SCIN: variants seen among roughly 807,000 people sequenced by gnomAD.
The protein encoded by SCIN is adseverin.
A neutral mutation model predicts 91.8 loss-of-function variants in SCIN; 91 were observed. The observed-to-expected ratio is 0.99, with a 90% confidence interval of 0.84 to 1.18. SCIN has a LOEUF of 1.18. Among genes scored for constraint, SCIN ranks in the 50% most tolerant of loss-of-function variants. The pLI is 0.00. For synonymous variants in SCIN, 367 were observed against 312.6 expected, an observed-to-expected ratio of 1.17 and a Z score of -1.84; for missense variants, 1,087 against 863.9, an observed-to-expected ratio of 1.26 and a Z score of -3.24.
At chr7:12,590,344 G>A (rs1782691673) in intron 3 of SCIN, among the ~76,000 whole-genome samples, 1 of 152,166 alleles carries the variant, frequency 6.6e-6, no homozygotes, top group African/African-American at 2.4e-5. Context: ...TAGGGATGGA[G>A]GGAGAGTGGA....
intron 1 of SCIN, among the ~76,000 whole-genome samples, chr7:12,572,632 C>G (rs1782292611): frequency 6.6e-6 from 1 of 152,272 alleles, no homozygotes; most frequent in South Asian, 2.1e-4. Flanking sequence ...CCAAGTTGTC[C>G]TCTTAACTAC....
chr7:12,578,909 G>GTTTTTTTTTTTTTTTTGTTGTTTTTTTTT, intron 2 of SCIN, among the ~76,000 whole-genome samples: 2 of 85,898 alleles, frequency 2.3e-5, no homozygotes, highest in Non-Finnish European at 4.6e-5. Context: ...TATAGGACAG[G>GTTTTTTTTTTTTTTTTGTTGTTTTTTTTT]TTTTTTTTTT....
intron 4 of SCIN, among the ~76,000 whole-genome samples, chr7:12,604,874 T>C (rs76040037): frequency 0.022 from 3,388 of 152,174 alleles, 44 homozygotes; most frequent in South Asian, 0.054. Flanking sequence ...CATGACTTTC[T>C]CTTACCGTTG....
chr7:12,611,929 T>TAA (rs11287451), intron 4 of SCIN, among the ~76,000 whole-genome samples: 1 of 145,226 alleles, frequency 6.9e-6, no homozygotes, highest in Non-Finnish European at 1.5e-5. Flanking sequence ...TCTCTTAAAA[T>TAA]AAAAAAAAAA....
At chr7:12,591,329 C>G (rs975672386) in intron 3 of SCIN, among the ~76,000 whole-genome samples, 4 of 152,124 alleles carry the variant, frequency 2.6e-5, no homozygotes, top group Non-Finnish European at 4.4e-5. Context: ...ATTATGAGAA[C>G]TGTGGACGGT....
chr7:12,597,270 T>C (rs895222355), intron 3 of SCIN, among the ~76,000 whole-genome samples: 21 of 152,348 alleles, frequency 1.4e-4, no homozygotes, highest in East Asian at 7.7e-4. Context: ...AAGATACATC[T>C]TAATGAATTT....
At position 12,653,347 on chromosome 7, in the gene SCIN, A is replaced by G. The variant is rs1026034631; in HGVS notation, c.*632A>G. 16 of 152,214 alleles carry G rather than the reference A, an allele frequency of 1.1e-4. No homozygotes were observed. The highest frequency in any genetic ancestry group is 7.2e-4 in the Admixed American group (11 of 15,286). The allele number at this position is 152,214 out of a possible 1,614,324, so 9.4% of individuals were successfully genotyped here. A position where few individuals can be genotyped will look rare whatever the true frequency, so the allele number is the denominator to read the frequency against. On this transcript the variant is annotated 3_prime_UTR_variant, in exon 16 of 16. Coordinates refer to ENST00000297029, the MANE Select transcript of SCIN (RefSeq NM_001112706.3). This position sits in a 1 kb window ranked among gnomAD's most constrained non-coding sequence, Gnocchi z 4.1. ...TGTCAGATAGGAAATTTTATAATGCATTAGCCATTAGTCAGAGTTGTTTTT... is the reference window on the plus strand; with the variant it reads ...TGTCAGATAGGAAATTTTATAATGCGTTAGCCATTAGTCAGAGTTGTTTTT...
chr7:12,580,362 T>C (rs1782462930), intron 2 of SCIN, among the ~76,000 whole-genome samples: 1 of 152,198 alleles, frequency 6.6e-6, no homozygotes, highest in African/African-American at 2.4e-5. Flanking sequence ...ATATCTTTCT[T>C]TAATTCGGGT....
In SCIN at chr7:12,658,666, T is replaced by C. The variant is rs1166423546; in HGVS notation, c.*5951T>C. ...GGAACCTGGTTGTACAGAAAGGTGA[T>C]GCCAAGACTCTCTTGTATGATTTTC... On this transcript the variant is annotated 3_prime_UTR_variant, in exon 16 of 16. Coordinates refer to ENST00000297029, the MANE Select transcript of SCIN (RefSeq NM_001112706.3). The C allele has an allele frequency of 6.6e-6, 1 of 152,224 alleles. No homozygotes were observed. The highest frequency in any genetic ancestry group is 2.4e-5 in the African/African-American group (1 of 41,460). 9.4% of individuals were successfully genotyped at this position (152,224 alleles called of 1,614,324 possible).
At chr7:12,635,342 T>C (rs1454586803) in intron 9 of SCIN, among the ~76,000 whole-genome samples, 2 of 151,132 alleles carry the variant, frequency 1.3e-5, no homozygotes, top group African/African-American at 4.9e-5. Context: ...CTGGGCGCGG[T>C]GGCTCATGCC....
intron 13 of SCIN, among the ~76,000 whole-genome samples, chr7:12,647,145 A>C (rs1938325586): frequency 6.6e-6 from 1 of 152,238 alleles, no homozygotes; most frequent in African/African-American, 2.4e-5. Flanking sequence ...TTACAAAAAT[A>C]AGTACCTAGG....
chr7:12,631,830 C>G (rs978536893), intron 9 of SCIN, among the ~76,000 whole-genome samples: 1 of 152,072 alleles, frequency 6.6e-6, no homozygotes, highest in Non-Finnish European at 1.5e-5. Flanking sequence ...GAAAAAGTGA[C>G]ATTGAAGTGG....
chr7:12,649,116 C>CAAAATT (rs1784027794), intron 13 of SCIN, among the ~76,000 whole-genome samples: 4 of 152,034 alleles, frequency 2.6e-5, no homozygotes, highest in African/African-American at 9.7e-5. Context: ...TAATTATTTG[C>CAAAATT]AGAAAAAAAG....
intron 2 of SCIN, among the ~76,000 whole-genome samples, chr7:12,580,277 TATC>T (rs1385447453): frequency 6.6e-6 from 1 of 151,792 alleles, no homozygotes; most frequent in East Asian, 1.9e-4. Context: ...ATATGGTTCA[TATC>T]ATTTAATTAG....
intron 3 of SCIN, among the ~76,000 whole-genome samples, chr7:12,591,362 T>A (rs1333658448): frequency 6.6e-6 from 1 of 152,036 alleles, no homozygotes; most frequent in Non-Finnish European, 1.5e-5. Flanking sequence ...GAAAGTTAGT[T>A]TCCTGCTTTC....
chr7:12,638,839 C>A (rs1008470150), intron 10 of SCIN, among the ~76,000 whole-genome samples: 5 of 152,212 alleles, frequency 3.3e-5, no homozygotes, highest in Admixed American at 3.3e-4. Flanking sequence ...TGACTGAATT[C>A]TTTAAATGCA....
At chr7:12,587,751 G>T (rs544824176) in intron 3 of SCIN, among the ~76,000 whole-genome samples, 2 of 152,344 alleles carry the variant, frequency 1.3e-5, no homozygotes, top group Admixed American at 6.5e-5. Context: ...TGGAAGGGAA[G>T]TGTGCTGGGC....
At chr7:12,634,481 A>G (rs111827044) in intron 9 of SCIN, among the ~76,000 whole-genome samples, 49 of 109,360 alleles carry the variant, frequency 4.5e-4, no homozygotes, top group African/African-American at 1.7e-3. Flanking sequence ...GCGAAACTCC[A>G]TCTCCAAAAA....
chr7:12,654,510 G>C lies in SCIN; in HGVS notation c.*1795G>C, dbSNP rs139362885. 858 of 152,174 alleles carry C rather than the reference G, an allele frequency of 5.6e-3. 7 individuals carry two copies. The highest frequency in any genetic ancestry group is 0.02 in the African/African-American group (816 of 41,514). 9.4% of individuals were successfully genotyped at this position (152,174 alleles called of 1,614,324 possible). Reference sequence around the variant, plus strand: ...TGTAAGTAGACATTTAACATTTCTAGGAATGTAATTGAGTGAAAAATAATT... The same window carrying C: ...TGTAAGTAGACATTTAACATTTCTACGAATGTAATTGAGTGAAAAATAATT... On this transcript the variant is annotated 3_prime_UTR_variant, in exon 16 of 16. Coordinates refer to ENST00000297029, the MANE Select transcript of SCIN (RefSeq NM_001112706.3).
Sources: gnomAD v4.1 joint callset for allele counts (sites outside exome capture counted in the v4.1 genomes callset) on GRCh38, gnomAD v4.1.1 for gene constraint, Gnocchi (gnomAD v3.1) non-coding constraint, MANE v1.5 for transcripts, NCBI Gene and HGNC (gene_info 2026-07-23, HGNC 2026-07-21) for gene names.